Variants in DLC1 observed in about 807,000 individuals in gnomAD.
DLC1 encodes DLC1 Rho GTPase activating protein, also known as rho GTPase-activating protein 7.
A neutral mutation model predicts 140.3 loss-of-function variants in DLC1; 54 were observed. The observed-to-expected ratio is 0.38, with a 90% confidence interval of 0.31 to 0.48. The LOEUF (loss-of-function observed/expected upper bound fraction) is 0.48. Among genes scored for constraint, DLC1 ranks in the 20% least tolerant of loss-of-function variants. The pLI, the probability that DLC1 is intolerant of heterozygous loss-of-function variation, is 0.96. For missense variants in DLC1, 2,536 were observed against 1,907.0 expected, an observed-to-expected ratio of 1.33 and a Z score of -6.14; for synonymous variants, 986 against 728.1, an observed-to-expected ratio of 1.35 and a Z score of -5.70.
At chr8:13,375,949 A>G (rs1835962637) in intron 4 of DLC1, among the ~76,000 whole-genome samples, 1 of 152,212 alleles carries the variant, frequency 6.6e-6, no homozygotes, top group Non-Finnish European at 1.5e-5. Context: ...AAGGAGATCT[A>G]GGATACCTGT....
chr8:13,486,778 A>C (rs954555196), intron 2 of DLC1, among the ~76,000 whole-genome samples: 1 of 152,234 alleles, frequency 6.6e-6, no homozygotes, highest in African/African-American at 2.4e-5. Context: ...TGAACATAGG[A>C]CAGGATATTC....
intron 5 of DLC1, among the ~76,000 whole-genome samples, chr8:13,293,401 C>T (rs964144192): frequency 2.6e-5 from 4 of 152,110 alleles, no homozygotes; most frequent in South Asian, 2.1e-4. Flanking sequence ...CTGAAAGAGA[C>T]GGGGTGGAAG....
At chr8:13,161,417 G>C (rs371225596) in intron 5 of DLC1, among the ~76,000 whole-genome samples, 2 of 152,090 alleles carry the variant, frequency 1.3e-5, no homozygotes, top group African/African-American at 4.8e-5. Flanking sequence ...GCTCATTGCA[G>C]CCTCTATCAA....
At chr8:13,530,257 C>T (rs1224344297) in intron 1 of DLC1, among the ~76,000 whole-genome samples, 1 of 152,150 alleles carries the variant, frequency 6.6e-6, no homozygotes, top group Non-Finnish European at 1.5e-5. Flanking sequence ...TCTATGCTTG[C>T]CTACCAAATT....
At position 13,091,452 on chromosome 8, in the gene DLC1, G is replaced by C; in HGVS notation, c.3741-20C>G. The C allele has an allele frequency of 7.5e-6, 12 of 1,593,570 alleles. No homozygotes were observed. The highest frequency in any genetic ancestry group is 1.0e-5 in the Non-Finnish European group (12 of 1,164,208). ...ATTACCCTAGGTAGAAGAAATACAGGAGGGGAACAGTTCAAATATTTATAT... is the reference window on the plus strand; with the variant it reads ...ATTACCCTAGGTAGAAGAAATACAGCAGGGGAACAGTTCAAATATTTATAT... On this transcript the variant is annotated intron_variant, in intron 13 of 17. Transcript: ENST00000276297.
At chr8:13,347,534 G>T (rs1289523229) in intron 4 of DLC1, among the ~76,000 whole-genome samples, 1 of 152,136 alleles carries the variant, frequency 6.6e-6, no homozygotes, top group Non-Finnish European at 1.5e-5. Context: ...TCCATATAAT[G>T]ATCATTCTTC....
intron 4 of DLC1, among the ~76,000 whole-genome samples, chr8:13,348,138 C>A (rs774361338): frequency 2.0e-5 from 3 of 151,618 alleles, no homozygotes; most frequent in African/African-American, 7.3e-5. Flanking sequence ...GGAGAAGATA[C>A]CAGATACCAC....
intron 1 of DLC1, among the ~76,000 whole-genome samples, chr8:13,530,418 G>A (rs1187580463): frequency 6.6e-6 from 1 of 152,108 alleles, no homozygotes; most frequent in Non-Finnish European, 1.5e-5. Context: ...AAGAGGTGGG[G>A]GAAATTTTTA....
At chr8:13,351,561 A>C (rs944759348) in intron 4 of DLC1, among the ~76,000 whole-genome samples, 2 of 152,260 alleles carry the variant, frequency 1.3e-5, no homozygotes, top group African/African-American at 4.8e-5. Flanking sequence ...CACAGAAAAT[A>C]GAAATCATAG....
At chr8:13,439,595 C>T (rs1839269849) in intron 2 of DLC1, among the ~76,000 whole-genome samples, 1 of 151,984 alleles carries the variant, frequency 6.6e-6, no homozygotes, top group African/African-American at 2.4e-5. Context: ...GAAACATACA[C>T]CTGTATTTTC....
chr8:13,128,901 T>TAATTATAATGGCAAGGCAGAACA (rs1821834372), intron 5 of DLC1, among the ~76,000 whole-genome samples: 1 of 150,170 alleles, frequency 6.7e-6, no homozygotes, highest in African/African-American at 2.5e-5. Flanking sequence ...TGTTCTCCAT[T>TAATTATAATGGCAAGGCAGAACA]AATTATGATG....
At chr8:13,086,052 A>G in intron 17 of DLC1, 121 bp from the exon 18 acceptor site, 1 of 1,450,890 alleles carries the variant, frequency 6.9e-7, no homozygotes, top group Non-Finnish European at 9.1e-7. Flanking sequence ...ATGCCTTTGA[A>G]TTCATGGCCG....
intron 1 of DLC1, among the ~76,000 whole-genome samples, chr8:13,559,711 A>T (rs1804175392): frequency 6.6e-6 from 1 of 152,218 alleles, no homozygotes; most frequent in Non-Finnish European, 1.5e-5. Flanking sequence ...CAATTCTGTC[A>T]TCTGTAATCA....
At chr8:13,369,171 A>G (rs1043875939) in intron 4 of DLC1, among the ~76,000 whole-genome samples, 10 of 151,992 alleles carry the variant, frequency 6.6e-5, no homozygotes, top group African/African-American at 1.9e-4. Context: ...TGCATCCTCA[A>G]TAGTCTGTAA....
chr8:13,104,485 C>T (rs981851174), intron 7 of DLC1, among the ~76,000 whole-genome samples: 5 of 152,200 alleles, frequency 3.3e-5, no homozygotes, highest in African/African-American at 9.7e-5. Context: ...TTCCTGCCAT[C>T]TCCCAGATGA....
chr8:13,436,593 T>A (rs1040757145), intron 2 of DLC1, among the ~76,000 whole-genome samples: 2 of 151,922 alleles, frequency 1.3e-5, no homozygotes, highest in Non-Finnish European at 1.5e-5. Flanking sequence ...ACTAAAACAG[T>A]TTTTTATTTT....
intron 4 of DLC1, among the ~76,000 whole-genome samples, chr8:13,392,279 AAT>A: frequency 6.6e-6 from 1 of 152,290 alleles, no homozygotes; most frequent in South Asian, 2.1e-4. Flanking sequence ...AAAGACAAGG[AAT>A]ATGTTTTATT....
At chr8:13,304,672 T>A in intron 5 of DLC1, 1 of 948,226 alleles carries the variant, frequency 1.1e-6, no homozygotes, top group Non-Finnish European at 1.3e-6. Context: ...TAAGATAGTA[T>A]GATTTTTTAA....
At chr8:13,167,320 G>A (rs1385095896) in intron 5 of DLC1, among the ~76,000 whole-genome samples, 1 of 152,120 alleles carries the variant, frequency 6.6e-6, no homozygotes, top group Admixed American at 6.5e-5. Context: ...AGCTTGCAAG[G>A]GAACTTAATC....
Sources: gnomAD v4.1 joint callset for allele counts (sites outside exome capture counted in the v4.1 genomes callset) on GRCh38, gnomAD v4.1.1 for gene constraint, MANE v1.5 for transcripts, NCBI Gene and HGNC (gene_info 2026-07-23, HGNC 2026-07-21) for gene names.